The following CUX1 variants were observed in gnomAD, a reference collection of about 807,000 sequenced individuals.
CUX1 encodes the protein protein CASP.
CUX1 carries 31 observed loss-of-function variants against 158.8 expected under a neutral mutation model. That is an observed-to-expected ratio of 0.20 (90% CI 0.15 to 0.26). The LOEUF is 0.26. Among genes scored for constraint, CUX1 ranks in the 10% least tolerant of loss-of-function variants. The pLI, the probability that CUX1 is intolerant of heterozygous loss-of-function variation, is 1.00. For synonymous variants in CUX1, 879 were observed against 862.1 expected, an observed-to-expected ratio of 1.02 and a Z score of -0.34; for missense variants, 1,589 against 2,014.6, an observed-to-expected ratio of 0.79 and a Z score of 4.04.
intron 1 of CUX1, among the ~76,000 whole-genome samples, chr7:101,912,106 G>A (rs1339612522): frequency 6.6e-6 from 1 of 152,124 alleles, no homozygotes; most frequent in African/African-American, 2.4e-5. Context: ...AGGAGTTCTA[G>A]ATAGTTCTGA....
chr7:102,044,125 C>T (rs61601535), intron 3 of CUX1, among the ~76,000 whole-genome samples: 35 of 151,800 alleles, frequency 2.3e-4, no homozygotes, highest in African/African-American at 7.2e-4. Flanking sequence ...TTTGGGATTA[C>T]GTGAGCCACT....
chr7:101,852,831 C>T (rs1796416214), intron 1 of CUX1, among the ~76,000 whole-genome samples: 1 of 151,726 alleles, frequency 6.6e-6, no homozygotes, highest in Non-Finnish European at 1.5e-5. Context: ...CACATGCCAC[C>T]ATGCCTGGCT....
intron 14 of CUX1, among the ~76,000 whole-genome samples, chr7:102,263,314 C>CTTTTTTTT (rs71123026): frequency 4.5e-5 from 4 of 89,516 alleles, no homozygotes; most frequent in African/African-American, 8.9e-5. Flanking sequence ...CACACCTAGC[C>CTTTTTTTT]TTTTTTTTTT....
At chr7:101,892,120 G>A (rs945838745) in intron 1 of CUX1, among the ~76,000 whole-genome samples, 7 of 152,152 alleles carry the variant, frequency 4.6e-5, no homozygotes, top group African/African-American at 1.7e-4. Context: ...GAGTCAGTCC[G>A]GACTTTGAGC....
intron 17 of CUX1, chr7:102,277,873 T>G (rs1791715336): frequency 2.3e-6 from 2 of 887,032 alleles, no homozygotes; most frequent in East Asian, 6.0e-5. Context: ...CAGAAGGGGC[T>G]CCAGGTAGAC....
At position 101,825,798 on chromosome 7, in the gene CUX1, T is replaced by TGTGTGTGTGC. The variant is rs1362738281; in HGVS notation, c.30+8130_30+8131insTGTGTGTGCG. On this transcript the variant is annotated intron_variant, in intron 1 of 23. Transcript: ENST00000292535. ...GTGTGTGTGTGTGTGTGTGTGTGTG[T>TGTGTGTGTGC]GCGCGCGCGCGCGCAGTTAGTCTTC... Among the ~76,000 whole-genome samples, 336 of 78,402 alleles carry TGTGTGTGTGC rather than the reference T, an allele frequency of 4.3e-3. 1 individual carries two copies. The highest frequency in any genetic ancestry group is 6.8e-3 in the South Asian group (17 of 2,488). The allele number at this position is 78,402 out of a possible 152,430, so 51.4% of individuals were successfully genotyped here. A position where few individuals can be genotyped will look rare whatever the true frequency, so the allele number is the denominator to read the frequency against.
At chr7:102,088,965 G>A (rs1828245140) in intron 4 of CUX1, among the ~76,000 whole-genome samples, 1 of 152,042 alleles carries the variant, frequency 6.6e-6, no homozygotes, top group Non-Finnish European at 1.5e-5. Flanking sequence ...CCCTCTTTCT[G>A]GGAAATGTAT....
At chr7:102,181,230 G>A (rs535427757) in intron 11 of CUX1, among the ~76,000 whole-genome samples, 133 of 152,140 alleles carry the variant, frequency 8.7e-4, no homozygotes, top group African/African-American at 3.0e-3. Context: ...GTGAGCCACC[G>A]CGAACCAGGT....
chr7:102,111,874 T>C (rs1830925993), intron 7 of CUX1, 100 bp downstream of exon 7: 1 of 1,054,602 alleles, frequency 9.5e-7, no homozygotes, highest in Non-Finnish European at 1.4e-6. Flanking sequence ...TACCTGTTGC[T>C]CTTCGGGGCC....
intron 20 of CUX1, among the ~76,000 whole-genome samples, chr7:102,218,291 T>TGGAAAGCTCAGGTCCC (rs1156491712): frequency 6.6e-6 from 1 of 152,196 alleles, no homozygotes; most frequent in Non-Finnish European, 1.5e-5. Context: ...TTCCCCATTG[T>TGGAAAGCTCAGGTCCC]GGAAAGCTCA....
chr7:102,180,931 ATTTTATTTTATTTTATTTTATTTTATT>A (rs1272330447), intron 11 of CUX1, among the ~76,000 whole-genome samples: 7 of 141,046 alleles, frequency 5.0e-5, no homozygotes, highest in African/African-American at 2.0e-4. Context: ...ATTTTATTTT[ATTTTATTTTATTTTATTTTATTTTATT>A]TGAGACGGAA....
At chr7:101,926,474 G>A (rs1257958526) in intron 2 of CUX1, among the ~76,000 whole-genome samples, 1 of 152,138 alleles carries the variant, frequency 6.6e-6, no homozygotes, top group East Asian at 1.9e-4. Context: ...ACCAGCAGGG[G>A]CCTGTAGGGA....
intron 3 of CUX1, among the ~76,000 whole-genome samples, chr7:102,036,107 C>T (rs536350576): frequency 6.6e-6 from 1 of 152,150 alleles, no homozygotes; most frequent in South Asian, 2.1e-4. Context: ...GCTGGGATTA[C>T]AGGCGCCTGC....
At chr7:102,184,861 G>A (rs899809186) in intron 11 of CUX1, among the ~76,000 whole-genome samples, 5 of 152,080 alleles carry the variant, frequency 3.3e-5, no homozygotes, top group Non-Finnish European at 1.5e-5. Flanking sequence ...GCCCCTGCTG[G>A]TCTTGAACTC....
chr7:102,098,165 C>A (rs1229384520), intron 5 of CUX1, among the ~76,000 whole-genome samples: 1 of 152,210 alleles, frequency 6.6e-6, no homozygotes, highest in Non-Finnish European at 1.5e-5. Context: ...CAGCTCCCGT[C>A]TGACAGCAGC....
At chr7:101,991,406 T>G in intron 2 of CUX1, among the ~76,000 whole-genome samples, 1 of 152,222 alleles carries the variant, frequency 6.6e-6, no homozygotes, top group South Asian at 2.1e-4. Context: ...CCGCTAGAAT[T>G]CATAGCCATC....
intron 2 of CUX1, among the ~76,000 whole-genome samples, chr7:102,018,837 G>A (rs56138360): frequency 0.42 from 64,255 of 151,888 alleles, 14,205 homozygotes; most frequent in Non-Finnish European, 0.46. Context: ...CACACGAGCC[G>A]CTGGTGTCAG....
chr7:101,841,461 T>TA (rs56957204), intron 1 of CUX1, among the ~76,000 whole-genome samples: 34 of 152,192 alleles, frequency 2.2e-4, no homozygotes, highest in African/African-American at 7.9e-4. Flanking sequence ...GCCTTTTTTT[T>TA]ATGTGGCTTA....
chr7:101,996,508 G>C (rs891595849), intron 2 of CUX1, among the ~76,000 whole-genome samples: 4 of 152,172 alleles, frequency 2.6e-5, no homozygotes, highest in African/African-American at 9.7e-5. Context: ...AGGGGGCCCC[G>C]AGCAGACCTG....
Sources: gnomAD v4.1 joint callset for allele counts (sites outside exome capture counted in the v4.1 genomes callset) on GRCh38, gnomAD v4.1.1 for gene constraint, MANE v1.5 for transcripts, NCBI Gene and HGNC (gene_info 2026-07-23, HGNC 2026-07-21) for gene names.